Variants in TNKS observed in about 807,000 individuals in gnomAD.
TNKS encodes poly [ADP-ribose] polymerase tankyrase-1.
A neutral mutation model predicts 135.8 loss-of-function variants in TNKS; 72 were observed. The ratio of observed to expected loss-of-function variants is 0.53; its 90% confidence interval spans 0.44 to 0.64. TNKS has a LOEUF of 0.64. Ranked by LOEUF, TNKS falls within the 30% of genes least tolerant of loss-of-function variation. TNKS has a pLI of 0.00. For synonymous variants in TNKS, 849 were observed against 649.3 expected, an observed-to-expected ratio of 1.31 and a Z score of -4.68; for missense variants, 1,769 against 1,674.0, an observed-to-expected ratio of 1.06 and a Z score of -0.99.
At chr8:9,664,808 C>G (rs59348698) in intron 3 of TNKS, among the ~76,000 whole-genome samples, 5 of 152,172 alleles carry the variant, frequency 3.3e-5, no homozygotes, top group East Asian at 1.9e-4. Context: ...GTTCATGACT[C>G]TAGAAGAGAC....
chr8:9,742,895 A>G (rs1480820793), intron 17 of TNKS, among the ~76,000 whole-genome samples: 3 of 151,872 alleles, frequency 2.0e-5, no homozygotes, highest in Non-Finnish European at 4.4e-5. Context: ...TAAAAAGTTT[A>G]AAAAGCTACT....
chr8:9,667,867 C>G (rs1374375116), intron 3 of TNKS, among the ~76,000 whole-genome samples: 1 of 130,120 alleles, frequency 7.7e-6, no homozygotes, highest in Non-Finnish European at 1.6e-5. Flanking sequence ...GAGTCTCATT[C>G]ATTTACTAGT....
At chr8:9,630,314 C>T (rs1800239521) in intron 3 of TNKS, among the ~76,000 whole-genome samples, 1 of 152,078 alleles carries the variant, frequency 6.6e-6, no homozygotes, top group African/African-American at 2.4e-5. Flanking sequence ...ATTATAGCAG[C>T]ACAACATGGT....
chr8:9,694,818 T>C (rs1374484004), intron 5 of TNKS, among the ~76,000 whole-genome samples: 3 of 151,992 alleles, frequency 2.0e-5, no homozygotes, highest in African/African-American at 7.2e-5. Flanking sequence ...AACAGGTAAT[T>C]ATATGGAACA....
chr8:9,770,046 G>A (rs1807728312), intron 25 of TNKS, 60 bp from the exon 26 acceptor site: 1 of 1,479,596 alleles, frequency 6.8e-7, no homozygotes, highest in African/African-American at 1.4e-5. Flanking sequence ...AGATCTAGCA[G>A]TTATATTATT....
intron 3 of TNKS, among the ~76,000 whole-genome samples, chr8:9,636,179 C>T (rs1800504008): frequency 2.0e-5 from 3 of 152,160 alleles, no homozygotes; most frequent in Non-Finnish European, 4.4e-5. Context: ...GGATATAAAG[C>T]ACATGGGCAG....
intron 2 of TNKS, among the ~76,000 whole-genome samples, chr8:9,592,599 T>C (rs1035196682): frequency 6.6e-6 from 1 of 152,238 alleles, no homozygotes; most frequent in Non-Finnish European, 1.5e-5. Context: ...AAGTTAAGCA[T>C]GTACCACGTT....
rs151161822 is a variant in TNKS at position 9,776,791 on chromosome 8, A to G, written c.*55A>G. On this transcript the variant is annotated 3_prime_UTR_variant, in exon 27 of 27. Coordinates refer to ENST00000310430, the MANE Select transcript of TNKS (RefSeq NM_003747.3). ...ATTTCAACCTGGGACTGGATTACAG[A>G]GGATTGTTTCTAATAACAACATCAA... The G allele has an allele frequency of 3.2e-4, 495 of 1,526,828 alleles. 3 individuals are homozygous for G. The East Asian group carries it at 9.4e-3, about 29-fold the overall frequency. The allele number at this position is 1,526,828 out of a possible 1,614,324, so 94.6% of individuals were successfully genotyped here.
intron 21 of TNKS, 78 bp from the exon 22 acceptor site, chr8:9,763,069 T>A: frequency 1.7e-6 from 1 of 595,204 alleles, no homozygotes. Flanking sequence ...ATGAATTTTT[T>A]TTTTTTTTTT....
intron 3 of TNKS, among the ~76,000 whole-genome samples, chr8:9,627,253 C>T (rs1215273571): frequency 6.6e-6 from 1 of 152,144 alleles, no homozygotes; most frequent in African/African-American, 2.4e-5. Context: ...TATCTGTATT[C>T]TTTATAAATG....
chr8:9,762,746 A>G (rs1807211031), intron 21 of TNKS, among the ~76,000 whole-genome samples: 1 of 152,026 alleles, frequency 6.6e-6, no homozygotes, highest in South Asian at 2.1e-4. Context: ...ACTAAACAAA[A>G]TACAGAAAAT....
chr8:9,659,070 C>G (rs184235506), intron 3 of TNKS, among the ~76,000 whole-genome samples: 1 of 152,254 alleles, frequency 6.6e-6, no homozygotes, highest in East Asian at 1.9e-4. Flanking sequence ...TACAGGAGCA[C>G]CCAGATTCAT....
chr8:9,680,681 A>T, intron 4 of TNKS, 44 bp from the exon 5 acceptor site: 1 of 1,387,374 alleles, frequency 7.2e-7, no homozygotes, highest in South Asian at 1.2e-5. Flanking sequence ...TATTCATAAG[A>T]AGCTTTGTAA....
At chr8:9,600,434 T>C (rs4582568) in intron 2 of TNKS, among the ~76,000 whole-genome samples, 43,310 of 151,820 alleles carry the variant, frequency 0.29, 6,494 homozygotes, top group East Asian at 0.37. Flanking sequence ...CCACTTCAGC[T>C]TCCCAAGTAG....
intron 17 of TNKS, among the ~76,000 whole-genome samples, chr8:9,746,161 G>T (rs1021830620): frequency 6.6e-6 from 1 of 152,168 alleles, no homozygotes; most frequent in African/African-American, 2.4e-5. Context: ...AAATGTGTCT[G>T]TAAGGGACAC....
At chr8:9,715,086 C>T (rs1438159972) in intron 11 of TNKS, among the ~76,000 whole-genome samples, 2 of 151,980 alleles carry the variant, frequency 1.3e-5, no homozygotes, top group African/African-American at 4.8e-5. Flanking sequence ...CTACAGAGTA[C>T]AGGAGGAGTA....
chr8:9,680,131 T>A, intron 4 of TNKS, 144 bp downstream of exon 4: 1 of 575,994 alleles, frequency 1.7e-6, no homozygotes, highest in East Asian at 2.8e-5. Flanking sequence ...TTATGTACTT[T>A]ATATCATTAT....
At chr8:9,630,228 G>T (rs557182372) in intron 3 of TNKS, among the ~76,000 whole-genome samples, 13 of 152,202 alleles carry the variant, frequency 8.5e-5, no homozygotes, top group African/African-American at 3.1e-4. Flanking sequence ...CATTGTTATG[G>T]TTCCCGCACT....
chr8:9,684,866 A>G (rs1001331903), intron 5 of TNKS, among the ~76,000 whole-genome samples: 1 of 152,154 alleles, frequency 6.6e-6, no homozygotes, highest in Non-Finnish European at 1.5e-5. Context: ...GACATTATGG[A>G]AGACATTGAA....
Sources: gnomAD v4.1 joint callset for allele counts (sites outside exome capture counted in the v4.1 genomes callset) on GRCh38, gnomAD v4.1.1 for gene constraint, MANE v1.5 for transcripts, NCBI Gene and HGNC (gene_info 2026-07-23, HGNC 2026-07-21) for gene names.